The following GOLM2 variants were observed in gnomAD, a reference collection of about 807,000 sequenced individuals.
The protein encoded by GOLM2 is protein GOLM2.
Under a neutral mutation model 55.9 loss-of-function variants are expected in GOLM2, and 26 were observed. The ratio of observed to expected loss-of-function variants is 0.47; its 90% confidence interval spans 0.34 to 0.65. GOLM2 has a LOEUF of 0.65. Ranked by LOEUF, GOLM2 falls within the 30% of genes least tolerant of loss-of-function variation. GOLM2 has a pLI of 0.01. For missense variants in GOLM2, 486 were observed against 531.8 expected (o/e 0.91, Z 0.85); for synonymous variants, 165 against 194.6 (o/e 0.85, Z 1.27).
chr15:44,394,674 C>T, intron 8 of GOLM2, among the ~76,000 whole-genome samples: 1 of 152,206 alleles, frequency 6.6e-6, no homozygotes, highest in Non-Finnish European at 1.5e-5. Context: ...CCTGCAGTAA[C>T]ATTTTTGTTA....
intron 6 of GOLM2, among the ~76,000 whole-genome samples, chr15:44,357,193 A>G (rs564069996): frequency 1.3e-5 from 2 of 152,252 alleles, no homozygotes; most frequent in African/African-American, 4.8e-5. Flanking sequence ...AAAAAGAAAA[A>G]GAAAAAAGTG....
intron 9 of GOLM2, among the ~76,000 whole-genome samples, chr15:44,407,319 G>T (rs1240898409): frequency 6.8e-6 from 1 of 148,096 alleles, no homozygotes; most frequent in Non-Finnish European, 1.5e-5. Flanking sequence ...AGGCTGGAGT[G>T]CAGTGGCATG....
At chr15:44,374,236 A>AT (rs2079349419) in intron 6 of GOLM2, among the ~76,000 whole-genome samples, 1 of 152,076 alleles carries the variant, frequency 6.6e-6, no homozygotes, top group South Asian at 2.1e-4. Flanking sequence ...GGTGGCCTGT[A>AT]TTTTCTCTTT....
At chr15:44,397,478 C>CAAAAAAAAAAAA (rs1007948393) in intron 8 of GOLM2, among the ~76,000 whole-genome samples, 1 of 32,560 alleles carries the variant, frequency 3.1e-5, no homozygotes, top group Non-Finnish European at 5.6e-5. Context: ...GACTCCGTCT[C>CAAAAAAAAAAAA]AAAAAAAAAA....
chr15:44,336,487 A>G (rs1219805747), intron 4 of GOLM2, among the ~76,000 whole-genome samples: 1 of 152,222 alleles, frequency 6.6e-6, no homozygotes, highest in African/African-American at 2.4e-5. Context: ...CTACTAGAGG[A>G]CAGCTATGAA....
Position 44,297,762 on chromosome 15 carries a change from C to G in GOLM2, c.327+8406C>G, listed in dbSNP as rs2078767194. On this transcript the variant is annotated intron_variant, in intron 1 of 9. Coordinates refer to ENST00000299957, the MANE Select transcript of GOLM2 (RefSeq NM_138423.4). ...TATTTTGAGTAGAGAAGGGGTTTCA[C>G]CATGTTAGTCAGGATGGTCTCCATC... Among the ~76,000 whole-genome samples, 3 of 150,894 alleles carry G rather than the reference C, an allele frequency of 2.0e-5. No homozygotes were observed. In the South Asian group the frequency reaches 6.3e-4, roughly 32 times the overall value.
chr15:44,345,919 T>TGTGA (rs2079121367), intron 6 of GOLM2: 1 of 152,096 alleles, frequency 6.6e-6, no homozygotes. Context: ...TGTGTGTGTG[T>TGTGA]GTGACAGAGT....
At chr15:44,290,332 TC>T (rs2141100933) in intron 1 of GOLM2, among the ~76,000 whole-genome samples, 1 of 152,328 alleles carries the variant, frequency 6.6e-6, no homozygotes, top group African/African-American at 2.4e-5. Flanking sequence ...TCTTTGGTAA[TC>T]TTCACATTTT....
chr15:44,309,608 T>C (rs1157653243), intron 1 of GOLM2, among the ~76,000 whole-genome samples: 2 of 152,200 alleles, frequency 1.3e-5, no homozygotes, highest in African/African-American at 4.8e-5. Context: ...GCAGTGGGAC[T>C]TTGTAGAAAT....
chr15:44,328,672 C>A lies in GOLM2; in HGVS notation c.383-13C>A, dbSNP rs371330594. The A allele has an allele frequency of 1.3e-6, 2 of 1,599,032 alleles. No homozygotes were observed. The highest frequency in any genetic ancestry group is 1.7e-6 in the Non-Finnish European group (2 of 1,170,388). ...TGAACTTGATTCCTTTGGTTCTTAC[C>A]TTGGGTGGATAGAGCAACTTGCTGA... On this transcript the variant is annotated splice_polypyrimidine_tract_variant and intron_variant, in intron 2 of 9. Transcript: ENST00000299957.
In GOLM2 at chr15:44,415,164, T is replaced by C. The variant is rs2141225481; in HGVS notation, c.*1758T>C. ...ATTGCTCAATGACTAGGAAAAGATGTAGTAGTTTACTAAAATTGTTTTTCT... is the reference window on the plus strand; with the variant it reads ...ATTGCTCAATGACTAGGAAAAGATGCAGTAGTTTACTAAAATTGTTTTTCT... On this transcript the variant is annotated 3_prime_UTR_variant, in exon 10 of 10. Coordinates refer to ENST00000299957, the MANE Select transcript of GOLM2 (RefSeq NM_138423.4). 1 of 152,726 alleles carries C rather than the reference T, an allele frequency of 6.5e-6. No individual in the cohort carries two copies. Among genetic ancestry groups the C allele is most frequent in the East Asian group, 1.9e-4 (1 of 5,192 alleles). The allele number at this position is 152,726 out of a possible 1,614,324, so 9.5% of individuals were successfully genotyped here.
chr15:44,359,153 A>AAAT (rs1012185668), intron 6 of GOLM2, among the ~76,000 whole-genome samples: 30 of 151,748 alleles, frequency 2.0e-4, no homozygotes, highest in Admixed American at 1.8e-3. Context: ...CTGTCTCAAA[A>AAAT]AATAATAATA....
intron 1 of GOLM2, among the ~76,000 whole-genome samples, chr15:44,316,703 C>T (rs552756026): frequency 1.5e-4 from 22 of 148,976 alleles, no homozygotes; most frequent in South Asian, 6.3e-4. Context: ...TGCAGTGAGC[C>T]GAGATTGTGC....
At chr15:44,349,896 T>C (rs186941390) in intron 6 of GOLM2, among the ~76,000 whole-genome samples, 1 of 152,108 alleles carries the variant, frequency 6.6e-6, no homozygotes. Context: ...GAGTCACTAG[T>C]GGGTCGATGA....
rs2078961579 is a variant in GOLM2, at chr15:44,323,035, C to G, written c.382+16C>G. The G allele has an allele frequency of 1.3e-6, 2 of 1,526,976 alleles. No individual in the cohort carries two copies. The highest frequency in any genetic ancestry group is 2.1e-5 in the Admixed American group (1 of 48,146). 94.6% of individuals were successfully genotyped at this position (1,526,976 alleles called of 1,614,324 possible). A position where few individuals can be genotyped will look rare whatever the true frequency, so the allele number is the denominator to read the frequency against. On this transcript the variant is annotated intron_variant, in intron 2 of 9. Coordinates refer to ENST00000299957, the MANE Select transcript of GOLM2 (RefSeq NM_138423.4). ...CATTTAAAGGGTAAGAACCTTAATT[C>G]CAGATTAAAGATAAACCAAGGTCAC... is the stretch of plus-strand genomic sequence containing the variant.
intron 6 of GOLM2, among the ~76,000 whole-genome samples, chr15:44,356,182 A>C (rs2079197073): frequency 6.6e-6 from 1 of 152,156 alleles, no homozygotes; most frequent in Non-Finnish European, 1.5e-5. Flanking sequence ...TTGAAAAAAA[A>C]AAGGCAAATT....
At chr15:44,335,025 A>G (rs1396156739) in intron 4 of GOLM2, among the ~76,000 whole-genome samples, 1 of 152,160 alleles carries the variant, frequency 6.6e-6, no homozygotes, top group Admixed American at 6.5e-5. Context: ...ACGAGACTAC[A>G]TCTCAAAAAT....
intron 9 of GOLM2, 84 bp downstream of exon 9, chr15:44,403,138 C>A: frequency 6.7e-7 from 1 of 1,483,686 alleles, no homozygotes; most frequent in Non-Finnish European, 9.4e-7. Flanking sequence ...ATTTCCCCCA[C>A]TTATTAGTGG....
chr15:44,386,478 CTT>C (rs1269221139), intron 8 of GOLM2, among the ~76,000 whole-genome samples: 1 of 152,148 alleles, frequency 6.6e-6, no homozygotes, highest in Non-Finnish European at 1.5e-5. Flanking sequence ...AGTCCTTCAA[CTT>C]TGTTCATCTT....
Sources: gnomAD v4.1 joint callset for allele counts (sites outside exome capture counted in the v4.1 genomes callset) on GRCh38, gnomAD v4.1.1 for gene constraint, MANE v1.5 for transcripts, NCBI Gene and HGNC (gene_info 2026-07-23, HGNC 2026-07-21) for gene names.